MYO10: variants seen among roughly 807,000 people sequenced by gnomAD.
The protein encoded by MYO10 is unconventional myosin-X.
Under a neutral mutation model 257.3 loss-of-function variants are expected in MYO10, and 133 were observed. The observed-to-expected ratio is 0.52, with a 90% CI of 0.45 to 0.60. MYO10 has a LOEUF of 0.60. Among genes scored for constraint, MYO10 ranks in the 20% least tolerant of loss-of-function variants. The pLI, the probability that MYO10 is intolerant of heterozygous loss-of-function variation, is 0.00. For missense variants in MYO10, 2,399 were observed against 2,635.7 expected (o/e 0.91, Z 1.97); for synonymous variants, 1,104 against 1,028.6 (o/e 1.07, Z -1.40).
At chr5:16,667,232 T>C (rs925843984) in intron 40 of MYO10, among the ~76,000 whole-genome samples, 5 of 152,122 alleles carry the variant, frequency 3.3e-5, no homozygotes, top group Non-Finnish European at 7.4e-5. Context: ...AGAAACAAGA[T>C]AACTGAGGCC....
intron 3 of MYO10, among the ~76,000 whole-genome samples, chr5:16,813,095 T>C (rs1303048731): frequency 6.6e-6 from 1 of 152,194 alleles, no homozygotes; most frequent in Admixed American, 6.5e-5. Flanking sequence ...CCTCTCTACC[T>C]GGCGATGAGC....
intron 26 of MYO10, among the ~76,000 whole-genome samples, chr5:16,695,605 T>TA (rs1737711077): frequency 1.3e-5 from 2 of 152,080 alleles, no homozygotes; most frequent in East Asian, 1.9e-4. Flanking sequence ...TTTCATAGGA[T>TA]AAAAAAATCT....
At chr5:16,673,250 T>C (rs564211876) in intron 36 of MYO10, among the ~76,000 whole-genome samples, 3 of 151,990 alleles carry the variant, frequency 2.0e-5, no homozygotes, top group African/African-American at 4.8e-5. Flanking sequence ...GGTTATTGGA[T>C]TACCACCCTT....
At chr5:16,738,548 A>G (rs1739895168) in intron 19 of MYO10, 1 of 283,746 alleles carries the variant, frequency 3.5e-6, no homozygotes, top group South Asian at 1.4e-4. Flanking sequence ...GTATATCTAT[A>G]TAATCATTCA....
chr5:16,914,932 T>C (rs974215555), intron 1 of MYO10, among the ~76,000 whole-genome samples: 2 of 152,134 alleles, frequency 1.3e-5, no homozygotes. Context: ...GTAATATACA[T>C]ACATCACAAG....
At chr5:16,840,444 T>TGAATGAAAGAAA (rs111737680) in intron 2 of MYO10, among the ~76,000 whole-genome samples, 37 of 100,904 alleles carry the variant, frequency 3.7e-4, no homozygotes, top group Non-Finnish European at 5.4e-4. Flanking sequence ...AATGAATGAA[T>TGAATGAAAGAAA]GAAAGAAAGA....
At chr5:16,809,956 G>A (rs568451391) in intron 3 of MYO10, among the ~76,000 whole-genome samples, 1 of 152,212 alleles carries the variant, frequency 6.6e-6, no homozygotes, top group African/African-American at 2.4e-5. Flanking sequence ...ACTGGGAGAG[G>A]AGTCTCCTCT....
At chr5:16,793,775 CA>C (rs1260051121) in intron 4 of MYO10, among the ~76,000 whole-genome samples, 1 of 151,902 alleles carries the variant, frequency 6.6e-6, no homozygotes, top group Non-Finnish European at 1.5e-5. Flanking sequence ...ACTAAAAATG[CA>C]AAATTAGCTG....
At chr5:16,797,150 T>C (rs1303572700) in intron 3 of MYO10, among the ~76,000 whole-genome samples, 6 of 151,860 alleles carry the variant, frequency 4.0e-5, no homozygotes, top group Non-Finnish European at 1.5e-5. Flanking sequence ...TCCATACAGG[T>C]TGAGTATCAC....
chr5:16,866,956 G>A (rs539450882), intron 2 of MYO10, among the ~76,000 whole-genome samples: 4 of 152,268 alleles, frequency 2.6e-5, no homozygotes, highest in East Asian at 1.9e-4. Flanking sequence ...CCAGCTGCCC[G>A]ACCTGGAGAG....
chr5:16,699,680 A>T (rs750364917), intron 25 of MYO10, 107 bp from the exon 26 acceptor site: 1 of 1,472,502 alleles, frequency 6.8e-7, no homozygotes, highest in South Asian at 1.2e-5. Flanking sequence ...ACAGCTACTC[A>T]AGAGGCTGAG....
At chr5:16,895,852 C>T (rs764594156) in intron 1 of MYO10, among the ~76,000 whole-genome samples, 3 of 151,688 alleles carry the variant, frequency 2.0e-5, no homozygotes, top group Non-Finnish European at 2.9e-5. Flanking sequence ...CAAGGACATG[C>T]GTGCAATAAA....
chr5:16,894,135 A>C (rs1745155093), intron 1 of MYO10, among the ~76,000 whole-genome samples: 1 of 152,176 alleles, frequency 6.6e-6, no homozygotes, highest in African/African-American at 2.4e-5. Flanking sequence ...CACACTAAGG[A>C]ACCGACACTG....
chr5:16,681,265 C>A, intron 32 of MYO10, 44 bp downstream of exon 32: 1 of 1,563,478 alleles, frequency 6.4e-7, no homozygotes, highest in Non-Finnish European at 8.7e-7. Context: ...CAAGCCCAGA[C>A]TTTAAGATTT....
intron 19 of MYO10, among the ~76,000 whole-genome samples, chr5:16,730,741 C>T (rs1310156420): frequency 6.6e-6 from 1 of 152,186 alleles, no homozygotes; most frequent in Non-Finnish European, 1.5e-5. Context: ...ACATCTGAAG[C>T]AGCTAAATGC....
chr5:16,902,352 G>T, intron 1 of MYO10: 1 of 1,178,954 alleles, frequency 8.5e-7, no homozygotes, highest in East Asian at 2.3e-5. Flanking sequence ...TCAGGGTGGG[G>T]GTGTTCGGTC....
chr5:16,744,093 G>A (rs1276942374), intron 19 of MYO10, among the ~76,000 whole-genome samples: 1 of 152,036 alleles, frequency 6.6e-6, no homozygotes. Flanking sequence ...CTTTTTTAAG[G>A]CTCCTTATGA....
chr5:16,902,437 C>T, intron 1 of MYO10: 1 of 1,241,048 alleles, frequency 8.1e-7, no homozygotes, highest in Non-Finnish European at 1.2e-6. Flanking sequence ...TGTAACTTCA[C>T]ATACAGCTTG....
Position 16,694,486 on chromosome 5 carries a change from G to C in MYO10, c.3685C>G (p.Leu1229Val), listed in dbSNP as rs1356654390. Residue 1229 changes from leucine to valine, a missense_variant, in exon 27 of 41, where the codon CTG becomes GTG. Physicochemically the swap from Leu to Val is conservative, Grantham distance 32. Coordinates refer to ENST00000513610, the MANE Select transcript of MYO10 (RefSeq NM_012334.3). ...LHKKGGGSST[L>V]SRRNWKKRWF... ...CGCTTCTTCCAATTTCTCCTGGACA[G>C]CGTGGAGGAGCCCCCCCCTTTTTTG... The C allele has an allele frequency of 6.2e-7, 1 of 1,614,046 alleles. No homozygotes were observed. Among genetic ancestry groups the C allele is most frequent in the South Asian group, 1.1e-5 (1 of 91,090 alleles).
Sources: gnomAD v4.1 joint callset for allele counts (sites outside exome capture counted in the v4.1 genomes callset) on GRCh38, gnomAD v4.1.1 for gene constraint, MANE v1.5 for transcripts, NCBI Gene and HGNC (gene_info 2026-07-23, HGNC 2026-07-21) for gene names.